ARK2C: variants seen among roughly 807,000 people sequenced by gnomAD.
ARK2C encodes the protein arkadia (RNF111) C-terminal like ring finger ubiquitin ligase 2C.
At chr18:46,457,620 A>G in the ARK2C span, 11 of 152,628 alleles carry the variant, frequency 7.2e-5, no homozygotes, top group African/African-American at 2.4e-4. Context: ...ACTGGTACCC[A>G]ATGTGTTCCT....
At chr18:46,442,188 T>G in the ARK2C span, among the ~76,000 whole-genome samples, 10 of 150,068 alleles carry the variant, frequency 6.7e-5, no homozygotes, top group Non-Finnish European at 1.5e-5. Context: ...AAAAAGAAAA[T>G]AGCCTTTGAT....
the ARK2C span, among the ~76,000 whole-genome samples, chr18:46,437,132 G>T: frequency 1.4e-5 from 2 of 139,412 alleles, no homozygotes; most frequent in African/African-American, 4.9e-5. Context: ...GGCTCCGGGA[G>T]GCTGGTCCCT....
At chr18:46,367,920 T>C in the ARK2C span, among the ~76,000 whole-genome samples, 1 of 152,234 alleles carries the variant, frequency 6.6e-6, no homozygotes, top group African/African-American at 2.4e-5. Context: ...TCCTCCATGA[T>C]TCTGATGCCC....
the ARK2C span, among the ~76,000 whole-genome samples, chr18:46,374,860 G>A: frequency 3.9e-5 from 6 of 152,278 alleles, no homozygotes; most frequent in Admixed American, 6.5e-5. Flanking sequence ...GAGAGGGGCC[G>A]ATTTGATTGA....
chr18:46,451,001 G>A, the ARK2C span, among the ~76,000 whole-genome samples: 52 of 152,112 alleles, frequency 3.4e-4, no homozygotes, highest in African/African-American at 1.2e-3. Context: ...GAAGATGGAA[G>A]GCCTCTCATT....
chr18:46,435,304 T>A, the ARK2C span: 13 of 1,614,092 alleles, frequency 8.1e-6, no homozygotes, highest in Non-Finnish European at 1.1e-5. Context: ...GTCAGGAGCG[T>A]GTATCTGTCC....
At chr18:46,339,663 G>GTTC in the ARK2C span, among the ~76,000 whole-genome samples, 1 of 152,350 alleles carries the variant, frequency 6.6e-6, no homozygotes, top group Admixed American at 6.5e-5. Flanking sequence ...ATGGAACACA[G>GTTC]TTCTTCTTTC....
At chr18:46,343,881 T>A in the ARK2C span, among the ~76,000 whole-genome samples, 2 of 152,206 alleles carry the variant, frequency 1.3e-5, no homozygotes, top group Non-Finnish European at 1.5e-5. Flanking sequence ...GGGCTAAACC[T>A]GGAAGCACAG....
the ARK2C span, among the ~76,000 whole-genome samples, chr18:46,357,814 G>A: frequency 2.8e-4 from 42 of 152,322 alleles, no homozygotes; most frequent in African/African-American, 9.6e-4. Context: ...GACAGTGCTG[G>A]AGGCTAGAAG....
At chr18:46,406,092 A>G in the ARK2C span, among the ~76,000 whole-genome samples, 9 of 152,040 alleles carry the variant, frequency 5.9e-5, no homozygotes, top group Non-Finnish European at 1.3e-4. Flanking sequence ...GACCTTGTGT[A>G]CACTCATATC....
At chr18:46,363,393 G>A in the ARK2C span, among the ~76,000 whole-genome samples, 7 of 152,244 alleles carry the variant, frequency 4.6e-5, no homozygotes, top group African/African-American at 1.4e-4. Context: ...AGTGCCCTCA[G>A]CCAGAGCTCC....
At chr18:46,445,493 T>C in the ARK2C span, among the ~76,000 whole-genome samples, 1 of 152,202 alleles carries the variant, frequency 6.6e-6, no homozygotes. Context: ...CAGATCTTAG[T>C]ATTCAGTAAA....
At chr18:46,390,273 G>A in the ARK2C span, among the ~76,000 whole-genome samples, 1 of 152,130 alleles carries the variant, frequency 6.6e-6, no homozygotes, top group Non-Finnish European at 1.5e-5. Context: ...ATCTTTCCAG[G>A]TGGTGAAGAA....
At chr18:46,351,553 C>T in the ARK2C span, among the ~76,000 whole-genome samples, 2 of 152,146 alleles carry the variant, frequency 1.3e-5, no homozygotes, top group Non-Finnish European at 2.9e-5. Context: ...CAGCCCAGCC[C>T]CTTCCTGCTA....
At chr18:46,368,534 C>T in the ARK2C span, among the ~76,000 whole-genome samples, 1 of 152,232 alleles carries the variant, frequency 6.6e-6, no homozygotes, top group East Asian at 1.9e-4. Flanking sequence ...GGTTTTGTTC[C>T]CAGCTCCACT....
chr18:46,417,716 C>A, the ARK2C span, among the ~76,000 whole-genome samples: 1 of 152,162 alleles, frequency 6.6e-6, no homozygotes, highest in Non-Finnish European at 1.5e-5. Context: ...AGAAGTATAA[C>A]ATAAGGCCGG....
the ARK2C span, chr18:46,456,091 G>C: frequency 2.0e-6 from 3 of 1,524,154 alleles, no homozygotes; most frequent in Non-Finnish European, 2.7e-6. Flanking sequence ...GTAGGAGACC[G>C]CCATTTTGAT....
chr18:46,384,203 AC>A, the ARK2C span, among the ~76,000 whole-genome samples: 4 of 152,004 alleles, frequency 2.6e-5, no homozygotes, highest in Non-Finnish European at 5.9e-5. Flanking sequence ...TACTGGGCCA[AC>A]CCCTCCCTCC....
the ARK2C span, chr18:46,334,419 G>T: frequency 8.1e-7 from 1 of 1,236,566 alleles, no homozygotes; most frequent in East Asian, 2.9e-5. This position sits in a 1 kb window ranked among gnomAD's most constrained non-coding sequence, Gnocchi z 4.4. Flanking sequence ...CGGGCGGCCG[G>T]GGGCTCAGGG....
Sources: gnomAD v4.1 joint callset for allele counts (sites outside exome capture counted in the v4.1 genomes callset) on GRCh38, gnomAD v4.1.1 for gene constraint, Gnocchi (gnomAD v3.1) non-coding constraint, MANE v1.5 for transcripts, NCBI Gene and HGNC (gene_info 2026-07-23, HGNC 2026-07-21) for gene names.